Variants in KIF2A observed in about 807,000 individuals in gnomAD.
KIF2A encodes the protein kinesin family member 2A, also known as kinesin-like protein KIF2A.
In KIF2A, 22 loss-of-function variants were observed where a neutral mutation model predicts 100.2. The ratio of observed to expected loss-of-function variants is 0.22; its 90% CI spans 0.16 to 0.31. KIF2A has a LOEUF of 0.31. Ranked by LOEUF, KIF2A falls within the 10% of genes least tolerant of loss-of-function variation. The pLI is 1.00. For synonymous variants in KIF2A, 268 were observed against 285.9 expected (o/e 0.94, Z 0.63); for missense variants, 495 against 898.7 (o/e 0.55, Z 5.74).
chr5:62,355,869 G>A (rs113473336), intron 7 of KIF2A, among the ~76,000 whole-genome samples: 12 of 147,390 alleles, frequency 8.1e-5, no homozygotes, highest in African/African-American at 3.0e-4. Flanking sequence ...TGTGATCTCC[G>A]CCTCCCAGTT....
At chr5:62,356,025 C>A (rs1388556634) in intron 7 of KIF2A, among the ~76,000 whole-genome samples, 1 of 152,142 alleles carries the variant, frequency 6.6e-6, no homozygotes, top group Non-Finnish European at 1.5e-5. Flanking sequence ...AGGTGATCCA[C>A]CCGCCTCGGT....
chr5:62,338,654 T>C (rs1478821528), intron 1 of KIF2A, among the ~76,000 whole-genome samples: 1 of 152,012 alleles, frequency 6.6e-6, no homozygotes, highest in African/African-American at 2.4e-5. Context: ...AAAAATTTCA[T>C]AGCATACCAA....
intron 20 of KIF2A, among the ~76,000 whole-genome samples, chr5:62,384,054 T>C (rs762961818): frequency 2.4e-4 from 36 of 152,100 alleles, no homozygotes; most frequent in Non-Finnish European, 4.6e-4. Flanking sequence ...CTGGTCAACA[T>C]TGTGAAATCC....
At position 62,347,080 on chromosome 5, in the gene KIF2A, A is replaced by T. The variant is rs770447213; in HGVS notation, c.65-50A>T. On this transcript the variant is annotated intron_variant, in intron 1 of 20. Transcript: ENST00000407818. ...AAAATTGTATTTCACAGTGTTTAGG[A>T]ATGCCATAATTTGTGGCATTTTTAA... 5 of 964,544 alleles carry T rather than the reference A, an allele frequency of 5.2e-6. No homozygotes were observed. The South Asian group carries it at 7.3e-5, about 14-fold the overall frequency. 59.7% of individuals were successfully genotyped at this position (964,544 alleles called of 1,614,324 possible).
At chr5:62,382,638 T>TG (rs1226002154) in intron 20 of KIF2A, among the ~76,000 whole-genome samples, 2 of 151,564 alleles carry the variant, frequency 1.3e-5, no homozygotes, top group African/African-American at 2.4e-5. Flanking sequence ...TTTCAGGTTT[T>TG]TTTTTTTTTT....
Position 62,389,089 on chromosome 5 carries a change from G to A in KIF2A, c.*3520G>A. 6.3e-7 allele frequency: 1 copy of A among 1,578,256 alleles called. No individual in the cohort carries two copies. The highest frequency in any genetic ancestry group is 8.7e-7 in the Non-Finnish European group (1 of 1,152,020). ...AATCAAAATGGAATGGTACTGAAAA[G>A]CTAATTTGTAGCACATAACGGTATA... is the stretch of plus-strand genomic sequence containing the variant. On this transcript the variant is annotated 3_prime_UTR_variant, in exon 21 of 21. Coordinates refer to ENST00000407818, the MANE Select transcript of KIF2A (RefSeq NM_001098511.3).
chr5:62,358,351 C>A, intron 9 of KIF2A, 52 bp downstream of exon 9: 1 of 1,241,944 alleles, frequency 8.1e-7, no homozygotes. Context: ...ATGTGGTCAT[C>A]AGCACCTTGA....
At chr5:62,348,747 T>C (rs1747699179) in intron 3 of KIF2A, among the ~76,000 whole-genome samples, 1 of 152,230 alleles carries the variant, frequency 6.6e-6, no homozygotes, top group African/African-American at 2.4e-5. Context: ...TATTAAATTT[T>C]TGTTTCAAAA....
chr5:62,367,249 T>C (rs1164451825), intron 16 of KIF2A, among the ~76,000 whole-genome samples: 1 of 152,076 alleles, frequency 6.6e-6, no homozygotes, highest in Non-Finnish European at 1.5e-5. Context: ...CAGTTCTTTC[T>C]GGTGTTTTTT....
chr5:62,353,671 T>A (rs1237419031), intron 6 of KIF2A, among the ~76,000 whole-genome samples: 1 of 152,122 alleles, frequency 6.6e-6, no homozygotes, highest in Non-Finnish European at 1.5e-5. Context: ...CATTTAAGAA[T>A]TTTTATTTTA....
At chr5:62,348,023 G>T in intron 2 of KIF2A, 25 bp from the exon 3 acceptor site, 1 of 1,605,520 alleles carries the variant, frequency 6.2e-7, no homozygotes, top group Non-Finnish European at 8.5e-7. Context: ...ACTCTCAAAA[G>T]ACTATGTGTA....
Position 62,324,026 on chromosome 5 carries a change from C to A in KIF2A, c.64+17490C>A, listed in dbSNP as rs1377674984. On this transcript the variant is annotated intron_variant, in intron 1 of 20. Transcript: ENST00000407818. The stretch of plus-strand genomic sequence containing the variant: ...TCCAGCCTGGGTAACAGAGGGAAAC[C>A]CTGTCTCAAAAAAAATAAAATAAAT... Among the ~76,000 whole-genome samples, 3 of 126,108 alleles carry A rather than the reference C, an allele frequency of 2.4e-5. No homozygotes were observed. In the East Asian group the frequency reaches 6.3e-4, roughly 26 times the overall value. The allele number at this position is 126,108 out of a possible 152,430, so 82.7% of individuals were successfully genotyped here. A position where few individuals can be genotyped will look rare whatever the true frequency, so the allele number is the denominator to read the frequency against.
At chr5:62,311,567 A>G (rs1460678776) in intron 1 of KIF2A, among the ~76,000 whole-genome samples, 1 of 152,204 alleles carries the variant, frequency 6.6e-6, no homozygotes, top group Non-Finnish European at 1.5e-5. Context: ...TAAATGGCCT[A>G]ATTCTTTATA....
intron 1 of KIF2A, among the ~76,000 whole-genome samples, chr5:62,314,545 A>G (rs1469982104): frequency 6.6e-6 from 1 of 152,252 alleles, no homozygotes; most frequent in Middle Eastern, 3.4e-3. Flanking sequence ...TGTAATTTGG[A>G]TATAAACTCC....
intron 1 of KIF2A, among the ~76,000 whole-genome samples, chr5:62,322,065 A>G (rs1158665900): frequency 6.6e-6 from 1 of 151,990 alleles, no homozygotes; most frequent in Admixed American, 6.6e-5. Flanking sequence ...GACCACAGGC[A>G]CAAGCCACCT....
intron 1 of KIF2A, among the ~76,000 whole-genome samples, chr5:62,342,536 A>G (rs1323608231): frequency 6.6e-6 from 1 of 152,136 alleles, no homozygotes; most frequent in African/African-American, 2.4e-5. Flanking sequence ...GTGATAGAGC[A>G]TGGCATGGGT....
chr5:62,363,911 G>T lies in KIF2A; in HGVS notation c.1467+12G>T. 1 of 1,575,530 alleles carries T rather than the reference G, an allele frequency of 6.3e-7. No homozygotes were observed. Among genetic ancestry groups the T allele is most frequent in the East Asian group, 2.3e-5 (1 of 44,190 alleles). On this transcript the variant is annotated intron_variant, in intron 14 of 20. Coordinates refer to ENST00000407818, the MANE Select transcript of KIF2A (RefSeq NM_001098511.3). Reference sequence around the variant, plus strand: ...TTTTAGCACTCAAGGTAAATAAAATGTATTTTATCATGAAAGGTCTTTTAC... The same window carrying T: ...TTTTAGCACTCAAGGTAAATAAAATTTATTTTATCATGAAAGGTCTTTTAC...
At chr5:62,320,294 A>G (rs1746034154) in intron 1 of KIF2A, among the ~76,000 whole-genome samples, 1 of 152,182 alleles carries the variant, frequency 6.6e-6, no homozygotes, top group African/African-American at 2.4e-5. Flanking sequence ...CTGCATAGCC[A>G]ATACTGTAGT....
chr5:62,345,150 G>C (rs891674811), intron 1 of KIF2A, among the ~76,000 whole-genome samples: 3 of 152,184 alleles, frequency 2.0e-5, no homozygotes, highest in African/African-American at 7.2e-5. Context: ...CACTTTGGGA[G>C]GCCGAGGAGG....
Sources: gnomAD v4.1 joint callset for allele counts (sites outside exome capture counted in the v4.1 genomes callset) on GRCh38, gnomAD v4.1.1 for gene constraint, MANE v1.5 for transcripts, NCBI Gene and HGNC (gene_info 2026-07-23, HGNC 2026-07-21) for gene names.